HPGD: variants seen among roughly 807,000 people sequenced by gnomAD.
HPGD encodes 15-hydroxyprostaglandin dehydrogenase [NAD(+)].
Under a neutral mutation model 30.0 loss-of-function variants are expected in HPGD, and 29 were observed. The observed-to-expected ratio is 0.97, with a 90% CI of 0.72 to 1.32. The LOEUF is 1.32. Ranked by LOEUF, HPGD falls within the 40% of genes most tolerant of loss-of-function variation. HPGD has a pLI of 0.00. For missense variants in HPGD, 340 were observed against 322.1 expected (o/e 1.06, Z -0.43); for synonymous variants, 99 against 112.4 (o/e 0.88, Z 0.75).
chr4:174,495,873 T>C (rs992611255), intron 4 of HPGD: 34 of 501,020 alleles, frequency 6.8e-5, no homozygotes, highest in Non-Finnish European at 1.2e-4. Flanking sequence ...GAGTTATATG[T>C]GTTTTTCTGC....
intron 2 of HPGD, among the ~76,000 whole-genome samples, chr4:174,518,998 G>A (rs1328101531): frequency 6.6e-6 from 1 of 152,094 alleles, no homozygotes; most frequent in African/African-American, 2.4e-5. Flanking sequence ...CTTAAAAAAA[G>A]TAGGTCAGCA....
chr4:174,494,986 C>A lies in HPGD; in HGVS notation c.498+562G>T, dbSNP rs1460095915. 3.3e-5 allele frequency among the ~76,000 whole-genome samples: 5 copies of A among 152,262 alleles called. No individual in the cohort carries two copies. The highest frequency in any genetic ancestry group is 3.4e-3 in the Middle Eastern group (1 of 294). On this transcript the variant is annotated intron_variant, in intron 5 of 6. Transcript: ENST00000296522. This position sits in a 1 kb window ranked among gnomAD's most constrained non-coding sequence, Gnocchi z 4.9. The stretch of plus-strand genomic sequence containing the variant: ...CTTTGCTTGCCAGGCCCCTTTCAAG[C>A]GTCTCTTTTGTGAGTTATAAAAAGG...
At chr4:174,519,379 A>T (rs1359850850) in intron 2 of HPGD, among the ~76,000 whole-genome samples, 2 of 151,898 alleles carry the variant, frequency 1.3e-5, no homozygotes, top group East Asian at 3.9e-4. Context: ...ACGCCCGGCT[A>T]ATTTTTTGTA....
chr4:174,497,045 G>A (rs1197902384), intron 4 of HPGD, among the ~76,000 whole-genome samples: 1 of 152,214 alleles, frequency 6.6e-6, no homozygotes, highest in Non-Finnish European at 1.5e-5. Context: ...AGGAGTGGAA[G>A]ATAAAGGGAA....
intron 2 of HPGD, 51 bp downstream of exon 2, chr4:174,521,893 T>C (rs1014709512): frequency 1.2e-6 from 2 of 1,612,126 alleles, no homozygotes; most frequent in Admixed American, 3.3e-5. Context: ...CTTCAGGTTG[T>C]TGCTTGTTGA....
chr4:174,494,452 A>G lies in HPGD; in HGVS notation c.498+1096T>C, dbSNP rs1015756059. Among the ~76,000 whole-genome samples the G allele has an allele frequency of 2.0e-5, 3 of 152,158 alleles. No homozygotes were observed. Among genetic ancestry groups the G allele is most frequent in the Non-Finnish European group, 4.4e-5 (3 of 68,024 alleles). ...GACTGTAGAAGTTTCCAGTCTTGTA[A>G]TTTTAAATATAAAATTTCTGGTCTT... On this transcript the variant is annotated intron_variant, in intron 5 of 6. Coordinates refer to ENST00000296522, the MANE Select transcript of HPGD (RefSeq NM_000860.6). The surrounding 1 kb of genome is among the most constrained non-coding windows in gnomAD (Gnocchi z 4.9).
chr4:174,518,258 C>G (rs1276204998), intron 2 of HPGD, among the ~76,000 whole-genome samples, 181 bp from the exon 3 acceptor site: 1 of 152,204 alleles, frequency 6.6e-6, no homozygotes, highest in African/African-American at 2.4e-5. Flanking sequence ...CTAGAAGCAT[C>G]AATCTGGCAG....
chr4:174,522,753 G>A (rs145977377), upstream of HPGD: 545 of 332,158 alleles, frequency 1.6e-3, 1 homozygote, highest in African/African-American at 0.011. Context: ...AAAGTTAAAA[G>A]GTTATTTCTG....
chr4:174,504,739 A>G (rs115706499), intron 4 of HPGD, among the ~76,000 whole-genome samples: 9,978 of 151,654 alleles, frequency 0.066, 536 homozygotes, highest in African/African-American at 0.15. Context: ...CTTTAACCTG[A>G]GAGGTGTTGG....
intron 3 of HPGD, 118 bp downstream of exon 3, chr4:174,517,853 C>T (rs1735868210): frequency 4.9e-6 from 3 of 611,044 alleles, no homozygotes; most frequent in African/African-American, 3.8e-5. Context: ...TCTGTAACTT[C>T]CCTTTTTCAA....
chr4:174,513,569 C>T (rs192527284), intron 3 of HPGD, among the ~76,000 whole-genome samples: 52 of 150,660 alleles, frequency 3.5e-4, no homozygotes, highest in Admixed American at 1.5e-3. Flanking sequence ...AAGTATAAAA[C>T]GGAAGAGTAA....
rs984717632 is a variant in HPGD, at chr4:174,494,548, C to A, written c.498+1000G>T. Among the ~76,000 whole-genome samples, 1 of 152,184 alleles carries A rather than the reference C, an allele frequency of 6.6e-6. No homozygotes were observed. On this transcript the variant is annotated intron_variant, in intron 5 of 6. Transcript: ENST00000296522. The surrounding 1 kb of genome is among the most constrained non-coding windows in gnomAD (Gnocchi z 4.9). ...AGTCTGTCTGAAGATTATGTCTTTG[C>A]AAATTAAGCAATAATTTCCAATCAA...
In HPGD at chr4:174,508,912, T is replaced by C; in HGVS notation, c.325-120A>G. 7.0e-6 allele frequency: 5 copies of C among 715,484 alleles called. No homozygotes were observed. The South Asian group carries it at 7.4e-5, about 11-fold the overall frequency. 44.3% of individuals were successfully genotyped at this position (715,484 alleles called of 1,614,324 possible). A position where few individuals can be genotyped will look rare whatever the true frequency, so the allele number is the denominator to read the frequency against. On this transcript the variant is annotated intron_variant, in intron 3 of 6. Transcript: ENST00000296522. ...GGGAGATTTCTGCAAATATTATCAATGAAAGGTTTTAAAAGAGCTTTGTTT... is the reference window on the plus strand; with the variant it reads ...GGGAGATTTCTGCAAATATTATCAACGAAAGGTTTTAAAAGAGCTTTGTTT...
At chr4:174,508,821 A>T in intron 3 of HPGD, 29 bp from the exon 4 acceptor site, 1 of 1,160,838 alleles carries the variant, frequency 8.6e-7, no homozygotes, top group East Asian at 2.3e-5. Context: ...TGAGAAAAGG[A>T]ATACAGTCAT....
chr4:174,506,249 TG>T (rs1450353899), intron 4 of HPGD, among the ~76,000 whole-genome samples: 1 of 152,170 alleles, frequency 6.6e-6, no homozygotes, highest in African/African-American at 2.4e-5. Flanking sequence ...AGGACTTTAC[TG>T]GAAGTATCAA....
At chr4:174,504,688 C>T (rs1735093327) in intron 4 of HPGD, among the ~76,000 whole-genome samples, 2 of 151,524 alleles carry the variant, frequency 1.3e-5, no homozygotes, top group African/African-American at 4.8e-5. Flanking sequence ...TGGTGTGCAC[C>T]TGTAATCCCA....
At chr4:174,522,227 A>T in intron 1 of HPGD, 132 bp downstream of exon 1, 1 of 1,414,780 alleles carries the variant, frequency 7.1e-7, no homozygotes, top group South Asian at 1.2e-5. Context: ...CCTCAGCTTC[A>T]GCAAATTTTG....
chr4:174,497,998 G>C (rs939592512), intron 4 of HPGD, among the ~76,000 whole-genome samples: 2 of 151,524 alleles, frequency 1.3e-5, no homozygotes, highest in African/African-American at 4.9e-5. Context: ...GCCCAGGCTG[G>C]AGTGCAGTGG....
In HPGD at chr4:174,522,377, C is replaced by T; in HGVS notation, c.75G>A (p.Leu25=). The T allele has an allele frequency of 6.4e-7, 1 of 1,571,602 alleles. No individual in the cohort carries two copies. Among genetic ancestry groups the T allele is most frequent in the Non-Finnish European group, 8.6e-7 (1 of 1,158,720 alleles). Residue 25 remains leucine (L), a synonymous_variant, in exon 1 of 7, where the codon CTG becomes CTA. Coordinates refer to ENST00000296522, the MANE Select transcript of HPGD (RefSeq NM_000860.6). ...GGCTTACCTTGGCGCCCTTAAGCAGCAGCGCCTCTGCAAAGGCTCTGCCTA... is the reference window on the plus strand; with the variant it reads ...GGCTTACCTTGGCGCCCTTAAGCAGTAGCGCCTCTGCAAAGGCTCTGCCTA... ...QGIGRAFAEA[L]LLKGAKVALV...
Sources: allele counts gnomAD v4.1 joint callset (sites outside exome capture counted in the v4.1 genomes callset), GRCh38; gene constraint gnomAD v4.1.1; non-coding constraint Gnocchi (gnomAD v3.1); transcripts MANE v1.5; gene names NCBI Gene and HGNC (gene_info 2026-07-23, HGNC 2026-07-21).